The following XKR4 variants were observed in gnomAD, a reference collection of about 807,000 sequenced individuals.
XKR4 encodes XK-related protein 4.
In XKR4, 12 loss-of-function variants were observed where a neutral mutation model predicts 53.9. The ratio of observed to expected loss-of-function variants is 0.22; its 90% CI spans 0.14 to 0.36. XKR4 has a LOEUF of 0.36. Ranked by LOEUF, XKR4 falls within the 10% of genes least tolerant of loss-of-function variation. The pLI, the probability that XKR4 is intolerant of heterozygous loss-of-function variation, is 1.00. For synonymous variants in XKR4, 354 were observed against 362.4 expected, an observed-to-expected ratio of 0.98 and a Z score of 0.26; for missense variants, 799 against 859.5, an observed-to-expected ratio of 0.93 and a Z score of 0.88.
At chr8:55,371,657 A>C (rs967894174) in intron 2 of XKR4, among the ~76,000 whole-genome samples, 2 of 152,208 alleles carry the variant, frequency 1.3e-5, no homozygotes, top group African/African-American at 4.8e-5. Flanking sequence ...ATATGGCTCC[A>C]CTTTATTTAA....
chr8:55,305,363 T>A (rs1819280597), intron 1 of XKR4, among the ~76,000 whole-genome samples: 1 of 152,110 alleles, frequency 6.6e-6, no homozygotes, highest in African/African-American at 2.4e-5. Flanking sequence ...GGAGTGAGTA[T>A]TCCTGGACAC....
At chr8:55,103,516 T>C (rs1816089456) in intron 1 of XKR4, among the ~76,000 whole-genome samples, 1 of 152,008 alleles carries the variant, frequency 6.6e-6, no homozygotes, top group African/African-American at 2.4e-5. Flanking sequence ...AGCAAAGTGG[T>C]TTCGATCACC....
At chr8:55,169,681 C>T (rs568467481) in intron 1 of XKR4, among the ~76,000 whole-genome samples, 2 of 152,326 alleles carry the variant, frequency 1.3e-5, no homozygotes, top group Non-Finnish European at 2.9e-5. Context: ...TTTTTCCCCA[C>T]GTTCCATCTA....
At chr8:55,362,722 A>G (rs575874276) in intron 2 of XKR4, among the ~76,000 whole-genome samples, 3 of 152,336 alleles carry the variant, frequency 2.0e-5, no homozygotes, top group Non-Finnish European at 4.4e-5. Flanking sequence ...TGTGATTGTC[A>G]TATTATGAAT....
chr8:55,449,347 G>T (rs1167826164), intron 2 of XKR4, among the ~76,000 whole-genome samples: 1 of 152,148 alleles, frequency 6.6e-6, no homozygotes, highest in East Asian at 1.9e-4. Context: ...TGGCCGGGCG[G>T]TGCGGGGCAG....
At chr8:55,130,794 A>G (rs1816542622) in intron 1 of XKR4, among the ~76,000 whole-genome samples, 1 of 152,104 alleles carries the variant, frequency 6.6e-6, no homozygotes, top group African/African-American at 2.4e-5. Flanking sequence ...AAGGAAGTAA[A>G]AGCCCTGACA....
At chr8:55,440,599 GC>G (rs1805250076) in intron 2 of XKR4, among the ~76,000 whole-genome samples, 1 of 98,460 alleles carries the variant, frequency 1.0e-5, no homozygotes. Context: ...CAAACTAGCA[GC>G]AAAAAAAAAT....
chr8:55,521,848 A>C (rs1806802603), intron 2 of XKR4, among the ~76,000 whole-genome samples: 2 of 152,238 alleles, frequency 1.3e-5, no homozygotes, highest in African/African-American at 4.8e-5. Context: ...TTTGAATAAA[A>C]AGTACCATTT....
chr8:55,181,163 T>G (rs1261631774), intron 1 of XKR4, among the ~76,000 whole-genome samples: 1 of 152,216 alleles, frequency 6.6e-6, no homozygotes, highest in Non-Finnish European at 1.5e-5. Flanking sequence ...TGGTTTCTGA[T>G]GTTGTTTTGG....
In XKR4 at chr8:55,535,084, A is replaced by G. The variant is rs1476683035; in HGVS notation, c.*10857A>G. The G allele has an allele frequency of 1.3e-5, 2 of 152,224 alleles. No homozygotes were observed. The highest frequency in any genetic ancestry group is 4.8e-5 in the African/African-American group (2 of 41,462). The allele number at this position is 152,224 out of a possible 1,614,324, so 9.4% of individuals were successfully genotyped here. On this transcript the variant is annotated 3_prime_UTR_variant, in exon 3 of 3. Coordinates refer to ENST00000327381, the MANE Select transcript of XKR4 (RefSeq NM_052898.2). ...GTTATCACCAAGATGTATAATAGCA[A>G]GCACTACTGAATGATCTTCCCAGTT...
intron 2 of XKR4, among the ~76,000 whole-genome samples, chr8:55,433,473 A>T (rs773369806): frequency 6.6e-6 from 1 of 152,230 alleles, no homozygotes; most frequent in Non-Finnish European, 1.5e-5. Flanking sequence ...CATTTTCAAG[A>T]TTACTGATTT....
At chr8:55,340,804 A>G (rs971032060) in intron 1 of XKR4, among the ~76,000 whole-genome samples, 1 of 152,322 alleles carries the variant, frequency 6.6e-6, no homozygotes, top group East Asian at 1.9e-4. Context: ...GGATTTGGTC[A>G]TGCCTTTTGT....
At chr8:55,133,499 A>C (rs1460363917) in intron 1 of XKR4, among the ~76,000 whole-genome samples, 3 of 152,204 alleles carry the variant, frequency 2.0e-5, no homozygotes, top group Non-Finnish European at 4.4e-5. Flanking sequence ...GATTAGGATG[A>C]AATGCTGCTT....
intron 2 of XKR4, chr8:55,450,059 G>C (rs1222327116): frequency 4.0e-6 from 3 of 754,870 alleles, no homozygotes; most frequent in Non-Finnish European, 7.1e-6. Context: ...CCATCTGGCC[G>C]GGCTTCAAGG....
chr8:55,229,522 G>T, intron 1 of XKR4, among the ~76,000 whole-genome samples: 1 of 152,266 alleles, frequency 6.6e-6, no homozygotes, highest in East Asian at 1.9e-4. Context: ...TGGCTGGATG[G>T]ATGGAGGATG....
intron 1 of XKR4, among the ~76,000 whole-genome samples, chr8:55,228,832 T>G (rs1220557195): frequency 1.1e-5 from 1 of 94,188 alleles, no homozygotes; most frequent in Non-Finnish European, 2.3e-5. Context: ...TGTATGTATA[T>G]GTGTGTATGT....
intron 1 of XKR4, among the ~76,000 whole-genome samples, chr8:55,332,431 G>A (rs1803395229): frequency 6.6e-6 from 1 of 151,602 alleles, no homozygotes; most frequent in South Asian, 2.1e-4. Context: ...TTACCATCTT[G>A]CATCCTTTCA....
At chr8:55,488,552 C>T (rs909956109) in intron 2 of XKR4, among the ~76,000 whole-genome samples, 8 of 152,106 alleles carry the variant, frequency 5.3e-5, no homozygotes, top group South Asian at 2.1e-4. Context: ...GAATTTTAAA[C>T]GTATTGTACT....
intron 1 of XKR4, among the ~76,000 whole-genome samples, chr8:55,202,140 G>A (rs1817583869): frequency 6.6e-6 from 1 of 152,204 alleles, no homozygotes; most frequent in African/African-American, 2.4e-5. Flanking sequence ...ATCCTAACAA[G>A]GAAGTTGGCT....
Sources: gnomAD v4.1 joint callset for allele counts (sites outside exome capture counted in the v4.1 genomes callset) on GRCh38, gnomAD v4.1.1 for gene constraint, MANE v1.5 for transcripts, NCBI Gene and HGNC (gene_info 2026-07-23, HGNC 2026-07-21) for gene names.